The following SPHKAP variants were observed in gnomAD, a reference collection of about 807,000 sequenced individuals.
SPHKAP encodes the protein A-kinase anchor protein SPHKAP.
SPHKAP carries 67 observed loss-of-function variants against 137.5 expected under a neutral mutation model. The observed-to-expected ratio is 0.49, with a 90% CI of 0.40 to 0.60. The LOEUF is 0.60. SPHKAP is among the 20% of genes least tolerant of loss of function. The pLI is 0.00. For missense variants in SPHKAP, 2,097 were observed against 2,069.3 expected, an observed-to-expected ratio of 1.01 and a Z score of -0.26; for synonymous variants, 813 against 785.3, an observed-to-expected ratio of 1.04 and a Z score of -0.59.
intron 3 of SPHKAP, among the ~76,000 whole-genome samples, chr2:228,032,018 C>A (rs1448789902): frequency 6.6e-6 from 1 of 152,182 alleles, no homozygotes; most frequent in Non-Finnish European, 1.5e-5. Flanking sequence ...AGCAACGGAA[C>A]AAAGCTGGAC....
intron 3 of SPHKAP, among the ~76,000 whole-genome samples, chr2:228,073,608 T>G (rs1301455396): frequency 6.6e-6 from 1 of 152,246 alleles, no homozygotes; most frequent in Admixed American, 6.5e-5. Context: ...GGAATCTTTG[T>G]GTCTGAATGT....
intron 1 of SPHKAP, among the ~76,000 whole-genome samples, chr2:228,139,802 C>T (rs1699538635): frequency 6.6e-6 from 1 of 151,924 alleles, no homozygotes; most frequent in African/African-American, 2.4e-5. Context: ...AGTACACATT[C>T]CTGCTGCTAA....
intron 7 of SPHKAP, among the ~76,000 whole-genome samples, chr2:228,015,575 A>G (rs970274328): frequency 2.6e-5 from 4 of 152,238 alleles, no homozygotes; most frequent in African/African-American, 9.6e-5. Flanking sequence ...TATAAGGTGT[A>G]AAAGGAATGG....
chr2:228,055,702 G>T (rs1696414469), intron 3 of SPHKAP, among the ~76,000 whole-genome samples: 1 of 152,168 alleles, frequency 6.6e-6, no homozygotes, highest in Non-Finnish European at 1.5e-5. Flanking sequence ...ACAGCTGATG[G>T]CATTGGGATT....
At chr2:228,083,674 G>A (rs1468509463) in intron 3 of SPHKAP, among the ~76,000 whole-genome samples, 3 of 152,068 alleles carry the variant, frequency 2.0e-5, no homozygotes, top group African/African-American at 7.2e-5. Context: ...CAAAGACTTG[G>A]AACCAACCCA....
At position 228,175,208 on chromosome 2, in the gene SPHKAP, G is replaced by A. The variant is rs529546514; in HGVS notation, c.32+6359C>T. The stretch of plus-strand genomic sequence containing the variant: ...AATAAGCATGAAGTCACAGATCCAA[G>A]AAGCTCTTTGGATAGAAGAGAAGTT... On this transcript the variant is annotated intron_variant, in intron 1 of 11. Coordinates refer to ENST00000392056, the MANE Select transcript of SPHKAP (RefSeq NM_001142644.2). 5.9e-5 allele frequency among the ~76,000 whole-genome samples: 9 copies of A among 152,130 alleles called. No individual in the cohort carries two copies. The East Asian group carries it at 1.5e-3, about 26-fold the overall frequency.
intron 2 of SPHKAP, among the ~76,000 whole-genome samples, chr2:228,113,141 G>A (rs774453552): frequency 7.2e-5 from 11 of 151,942 alleles, no homozygotes; most frequent in Admixed American, 1.3e-4. Context: ...TTTTATCATC[G>A]TTAAAAATTA....
intron 3 of SPHKAP, among the ~76,000 whole-genome samples, chr2:228,033,217 G>A (rs1327841071): frequency 6.6e-6 from 1 of 152,052 alleles, no homozygotes; most frequent in South Asian, 2.1e-4. Context: ...AAAAAAGGCA[G>A]GGGTTGCAAT....
At chr2:228,070,878 T>TA (rs1163890930) in intron 3 of SPHKAP, among the ~76,000 whole-genome samples, 4 of 152,154 alleles carry the variant, frequency 2.6e-5, no homozygotes, top group African/African-American at 9.7e-5. Context: ...CAAACTGAGT[T>TA]AGAGACATTA....
chr2:228,036,085 G>C (rs1448982274), intron 3 of SPHKAP, among the ~76,000 whole-genome samples: 1 of 150,250 alleles, frequency 6.7e-6, no homozygotes, highest in Non-Finnish European at 1.5e-5. Flanking sequence ...TACCATCAGA[G>C]TGAACAGGCA....
chr2:228,090,608 G>A (rs1236780535), intron 3 of SPHKAP, among the ~76,000 whole-genome samples: 1 of 152,212 alleles, frequency 6.6e-6, no homozygotes, highest in Non-Finnish European at 1.5e-5. Flanking sequence ...ATGTTGAAAT[G>A]TAATTCCCAG....
At chr2:228,180,469 G>A (rs1349177894) in intron 1 of SPHKAP, among the ~76,000 whole-genome samples, 1 of 151,946 alleles carries the variant, frequency 6.6e-6, no homozygotes, top group East Asian at 1.9e-4. Flanking sequence ...GGGTTTTGCT[G>A]CTCTCCAAGA....
At chr2:228,148,107 C>T (rs1453968339) in intron 1 of SPHKAP, among the ~76,000 whole-genome samples, 1 of 152,090 alleles carries the variant, frequency 6.6e-6, no homozygotes, top group Non-Finnish European at 1.5e-5. Flanking sequence ...CTTTGGGGTG[C>T]TCTCGTTTTA....
At chr2:228,058,227 C>T (rs1241834920) in intron 3 of SPHKAP, among the ~76,000 whole-genome samples, 13 of 152,314 alleles carry the variant, frequency 8.5e-5, no homozygotes, top group Non-Finnish European at 1.8e-4. Flanking sequence ...GCCTGTCAAG[C>T]TTCCATTTTT....
chr2:227,981,874 G>T lies in SPHKAP; in HGVS notation c.4960-14C>A. 1 of 1,610,574 alleles carries T rather than the reference G, an allele frequency of 6.2e-7. No individual in the cohort carries two copies. Among genetic ancestry groups the T allele is most frequent in the South Asian group, 1.1e-5 (1 of 90,534 alleles). ...GACATCTAGAAACTAAAATAAAACGGAGAGTTAGGGCTCACAGAGCACAGA... is the reference window on the plus strand; with the variant it reads ...GACATCTAGAAACTAAAATAAAACGTAGAGTTAGGGCTCACAGAGCACAGA... On this transcript the variant is annotated splice_polypyrimidine_tract_variant and intron_variant, in intron 11 of 11. Transcript: ENST00000392056.
intron 7 of SPHKAP, among the ~76,000 whole-genome samples, chr2:228,002,093 G>A (rs1693930214): frequency 6.6e-6 from 1 of 152,106 alleles, no homozygotes; most frequent in Non-Finnish European, 1.5e-5. Flanking sequence ...CCAGTAATGG[G>A]ATGGCTGGGT....
At chr2:228,134,092 T>A (rs1486097396) in intron 1 of SPHKAP, among the ~76,000 whole-genome samples, 87 of 92,206 alleles carry the variant, frequency 9.4e-4, no homozygotes, top group Non-Finnish European at 1.0e-3. Flanking sequence ...AAGAAAGAAG[T>A]AAAGAAAGGA....
chr2:228,145,619 T>G (rs35486104), intron 1 of SPHKAP, among the ~76,000 whole-genome samples: 16,455 of 152,070 alleles, frequency 0.11, 1,143 homozygotes, highest in East Asian at 0.18. Flanking sequence ...AGGTAACAAT[T>G]CCCATCATGA....
At chr2:228,155,857 G>C (rs1320136397) in intron 1 of SPHKAP, among the ~76,000 whole-genome samples, 1 of 152,140 alleles carries the variant, frequency 6.6e-6, no homozygotes, top group Non-Finnish European at 1.5e-5. Context: ...TTGCAAACAG[G>C]CAAGAGAGCT....
Sources: allele counts gnomAD v4.1 joint callset (sites outside exome capture counted in the v4.1 genomes callset), GRCh38; gene constraint gnomAD v4.1.1; transcripts MANE v1.5; gene names NCBI Gene and HGNC (gene_info 2026-07-23, HGNC 2026-07-21).